The following NEGR1 variants were observed in gnomAD, a reference collection of about 807,000 sequenced individuals.
NEGR1 encodes neuronal growth regulator 1.
A neutral mutation model predicts 40.9 loss-of-function variants in NEGR1; 10 were observed. That is an observed-to-expected ratio of 0.24 (90% CI 0.15 to 0.42). NEGR1 has a LOEUF of 0.42. NEGR1 is among the 10% of genes least tolerant of loss of function. The pLI, the probability that NEGR1 is intolerant of heterozygous loss-of-function variation, is 1.00. For synonymous variants in NEGR1, 185 were observed against 166.8 expected (o/e 1.11, Z -0.84); for missense variants, 352 against 438.9 (o/e 0.80, Z 1.77).
At chr1:71,597,776 C>A (rs560629792) in intron 5 of NEGR1, among the ~76,000 whole-genome samples, 38 of 151,608 alleles carry the variant, frequency 2.5e-4, no homozygotes, top group Non-Finnish European at 4.7e-4. Flanking sequence ...GCGTGGTAAT[C>A]CCAGTGGGCG....
At chr1:71,529,122 G>A (rs1245794193) in intron 6 of NEGR1, among the ~76,000 whole-genome samples, 1 of 151,174 alleles carries the variant, frequency 6.6e-6, no homozygotes, top group East Asian at 1.9e-4. Context: ...GACTGCTAAA[G>A]ATTATTTCTA....
chr1:71,433,786 C>A (rs1256634950), intron 6 of NEGR1, among the ~76,000 whole-genome samples: 1 of 152,272 alleles, frequency 6.6e-6, no homozygotes, highest in East Asian at 1.9e-4. Context: ...CCATATCATA[C>A]AGTGTGTGTG....
chr1:71,861,863 G>A (rs1659958358), intron 2 of NEGR1, among the ~76,000 whole-genome samples: 1 of 151,972 alleles, frequency 6.6e-6, no homozygotes, highest in Admixed American at 6.6e-5. Context: ...AGATTTCACT[G>A]TAAGAAAAGA....
intron 1 of NEGR1, among the ~76,000 whole-genome samples, chr1:72,193,049 A>C (rs1652874728): frequency 6.6e-6 from 1 of 151,756 alleles, no homozygotes; most frequent in Admixed American, 6.6e-5. Context: ...TGATGGAACC[A>C]CTCACTAATT....
At chr1:71,468,615 C>G (rs1484526173) in intron 6 of NEGR1, 2 of 151,958 alleles carry the variant, frequency 1.3e-5, no homozygotes, top group African/African-American at 4.8e-5. Context: ...AGCCTGCTGG[C>G]ATGTGAAATT....
At chr1:71,832,660 C>A (rs968164830) in intron 2 of NEGR1, among the ~76,000 whole-genome samples, 1 of 151,954 alleles carries the variant, frequency 6.6e-6, no homozygotes, top group Non-Finnish European at 1.5e-5. Flanking sequence ...AACAAGAAGT[C>A]AGTGAAGAGC....
intron 1 of NEGR1, among the ~76,000 whole-genome samples, chr1:72,254,231 G>T (rs1655192011): frequency 6.6e-6 from 1 of 152,130 alleles, no homozygotes; most frequent in Admixed American, 6.5e-5. Flanking sequence ...ATTTATGGCT[G>T]CTACAATTTG....
intron 1 of NEGR1, among the ~76,000 whole-genome samples, chr1:72,270,729 G>GA: frequency 6.6e-6 from 1 of 151,498 alleles, no homozygotes; most frequent in Non-Finnish European, 1.5e-5. Context: ...TGTTTCATGT[G>GA]ACCACCCAAT....
intron 6 of NEGR1, among the ~76,000 whole-genome samples, chr1:71,520,846 T>C (rs1270081237): frequency 6.6e-6 from 1 of 151,992 alleles, no homozygotes; most frequent in African/African-American, 2.4e-5. Flanking sequence ...ACATATGACT[T>C]AAGAAATTAC....
At chr1:71,925,848 T>C (rs1645767491) in intron 2 of NEGR1, among the ~76,000 whole-genome samples, 1 of 152,210 alleles carries the variant, frequency 6.6e-6, no homozygotes, top group Non-Finnish European at 1.5e-5. Flanking sequence ...ATGTGCCAGC[T>C]AGAGGTTAGT....
intron 1 of NEGR1, among the ~76,000 whole-genome samples, chr1:72,143,912 A>AT (rs1315984670): frequency 1.1e-4 from 7 of 61,214 alleles, no homozygotes; most frequent in South Asian, 1.1e-3. Context: ...TATGATATAT[A>AT]TAATATATAT....
chr1:71,898,379 G>A (rs1259041308), intron 2 of NEGR1, among the ~76,000 whole-genome samples: 1 of 152,194 alleles, frequency 6.6e-6, no homozygotes, highest in East Asian at 1.9e-4. Context: ...ACTTTGGGAG[G>A]CTGAGGCGGG....
At chr1:72,132,642 G>A (rs548465106) in intron 1 of NEGR1, among the ~76,000 whole-genome samples, 1 of 152,124 alleles carries the variant, frequency 6.6e-6, no homozygotes, top group Non-Finnish European at 1.5e-5. Flanking sequence ...ACCACAATAA[G>A]TGAGAAGAGC....
intron 4 of NEGR1, among the ~76,000 whole-genome samples, chr1:71,619,642 A>G (rs981365802): frequency 3.9e-5 from 6 of 152,098 alleles, no homozygotes; most frequent in African/African-American, 7.2e-5. Flanking sequence ...AAGAGCAAGG[A>G]ACAGATGTTG....
At chr1:72,111,085 T>TACAC (rs72146902) in intron 1 of NEGR1, among the ~76,000 whole-genome samples, 6 of 128,436 alleles carry the variant, frequency 4.7e-5, no homozygotes, top group African/African-American at 2.0e-4. Context: ...TATATATATA[T>TACAC]ACACACACAC....
At chr1:71,562,293 G>T (rs1294487045) in intron 6 of NEGR1, among the ~76,000 whole-genome samples, 6 of 151,826 alleles carry the variant, frequency 4.0e-5, no homozygotes, top group Non-Finnish European at 7.4e-5. Context: ...TTGAAAGCAT[G>T]AATTTGCCCT....
intron 3 of NEGR1, among the ~76,000 whole-genome samples, chr1:71,735,601 C>A (rs1456252791): frequency 6.6e-6 from 1 of 151,794 alleles, no homozygotes; most frequent in African/African-American, 2.4e-5. Flanking sequence ...ATTCTAGTAG[C>A]TATGATAAGA....
At chr1:71,785,943 C>A (rs750347074) in intron 2 of NEGR1, among the ~76,000 whole-genome samples, 29 of 152,142 alleles carry the variant, frequency 1.9e-4, no homozygotes, top group Non-Finnish European at 1.9e-4. Context: ...ATTTTTATAT[C>A]TAAAAGCTGC....
At chr1:71,501,069 A>T (rs1213599290) in intron 6 of NEGR1, among the ~76,000 whole-genome samples, 1 of 152,036 alleles carries the variant, frequency 6.6e-6, no homozygotes, top group Non-Finnish European at 1.5e-5. Context: ...GTCTTATTCC[A>T]CAATAAGATT....
Sources: gnomAD v4.1 joint callset for allele counts (sites outside exome capture counted in the v4.1 genomes callset) on GRCh38, gnomAD v4.1.1 for gene constraint, MANE v1.5 for transcripts, NCBI Gene and HGNC (gene_info 2026-07-23, HGNC 2026-07-21) for gene names.